The following GPR4 variants were observed in gnomAD, a reference collection of about 807,000 sequenced individuals.
GPR4 encodes G-prodeshotein coupled receptor 4.
A neutral mutation model predicts 17.8 loss-of-function variants in GPR4; 11 were observed. The observed-to-expected ratio is 0.62, with a 90% CI of 0.39 to 1.02. The LOEUF is 1.02. GPR4 is among the 50% of genes least tolerant of loss of function. The pLI, the probability that GPR4 is intolerant of heterozygous loss-of-function variation, is 0.00. For synonymous variants in GPR4, 219 were observed against 222.8 expected, an observed-to-expected ratio of 0.98 and a Z score of 0.15; for missense variants, 364 against 495.4, an observed-to-expected ratio of 0.73 and a Z score of 2.52.
intron 1 of GPR4, among the ~76,000 whole-genome samples, chr19:45,594,434 A>AG (rs1970036784): frequency 6.6e-6 from 1 of 151,034 alleles, no homozygotes; most frequent in East Asian, 2.0e-4. Context: ...AAAAAAAAAA[A>AG]AAAAAAAAGA....
intron 1 of GPR4, among the ~76,000 whole-genome samples, chr19:45,599,426 A>ACCCCCCCCCC (rs374400386): frequency 3.8e-5 from 3 of 79,552 alleles, no homozygotes; most frequent in Non-Finnish European, 5.3e-5. Flanking sequence ...TGCTCCCACC[A>ACCCCCCCCCC]CCCCCCCCTC....
intron 1 of GPR4, among the ~76,000 whole-genome samples, chr19:45,596,455 T>C (rs1970059759): frequency 6.6e-6 from 1 of 152,220 alleles, no homozygotes; most frequent in Non-Finnish European, 1.5e-5. Flanking sequence ...TCCACCCACC[T>C]TGGCCTCCCA....
At chr19:45,597,051 C>T (rs1970065079) in intron 1 of GPR4, among the ~76,000 whole-genome samples, 1 of 151,970 alleles carries the variant, frequency 6.6e-6, no homozygotes, top group Non-Finnish European at 1.5e-5. Flanking sequence ...GCACACTTAC[C>T]ATACTCTCAG....
intron 1 of GPR4, among the ~76,000 whole-genome samples, chr19:45,594,080 A>ATATATATATATTT (rs1970031632): frequency 1.6e-5 from 2 of 126,328 alleles, no homozygotes; most frequent in Admixed American, 8.2e-5. Flanking sequence ...ATATATATAT[A>ATATATATATATTT]TATATATATA....
In GPR4 at chr19:45,590,663, T is replaced by C. The variant is rs1969979712; in HGVS notation, c.*115A>G. ...CAACCTCACTCTTCCTAAGTTCTTG[T>C]ATTCTTATGAATATTAACACAGCCC... On this transcript the variant is annotated 3_prime_UTR_variant, in exon 2 of 2. Coordinates refer to ENST00000323040, the MANE Select transcript of GPR4 (RefSeq NM_005282.3). 1.5e-6 allele frequency: 2 copies of C among 1,306,770 alleles called. No homozygotes were observed. The highest frequency in any genetic ancestry group is 2.1e-6 in the Non-Finnish European group (2 of 956,988). 80.9% of individuals were successfully genotyped at this position (1,306,770 alleles called of 1,614,324 possible). A position where few individuals can be genotyped will look rare whatever the true frequency, so the allele number is the denominator to read the frequency against.
At chr19:45,600,570 A>G (rs956925669) in intron 1 of GPR4, among the ~76,000 whole-genome samples, 3 of 152,010 alleles carry the variant, frequency 2.0e-5, no homozygotes, top group Non-Finnish European at 2.9e-5. Flanking sequence ...TCTTTCCCCA[A>G]ATTAATCCGA....
intron 1 of GPR4, among the ~76,000 whole-genome samples, chr19:45,599,340 C>A (rs938970784): frequency 1.3e-5 from 2 of 152,086 alleles, no homozygotes; most frequent in Non-Finnish European, 2.9e-5. Context: ...CCCAGCACCC[C>A]TGGGCTCACT....
rs751145496 is a variant in GPR4 at position 45,590,855 on chromosome 19, T to G, written c.1012A>C (p.Met338Leu). The change falls in exon 2 of 2, where the codon ATG becomes CTG. Residue 338 changes from methionine (M) to leucine (L), a missense_variant. By Grantham distance (15) the Met-to-Leu change is conservative. Transcript: ENST00000323040. The part of the protein sequence containing the change: ...TSKRNSTAKA[M>L]TGSWAATPPS... ...GGAGTGGCCGCCCAGCTGCCAGTCA[T>G]GGCTTTGGCTGTGCTGTTCCTCTTG... 1 of 1,613,360 alleles carries G rather than the reference T, an allele frequency of 6.2e-7. No individual in the cohort carries two copies.
intron 1 of GPR4, among the ~76,000 whole-genome samples, chr19:45,596,899 C>A (rs1028146122): frequency 6.6e-6 from 1 of 152,034 alleles, no homozygotes; most frequent in Admixed American, 6.6e-5. Flanking sequence ...AATGGACTTG[C>A]GGTAAAATCC....
At chr19:45,600,959 A>G (rs1970105097) in intron 1 of GPR4, among the ~76,000 whole-genome samples, 1 of 152,210 alleles carries the variant, frequency 6.6e-6, no homozygotes, top group African/African-American at 2.4e-5. Context: ...CCAGGGTTCC[A>G]GGAGCCCCTA....
Position 45,591,246 on chromosome 19 carries a change from G to T in GPR4, c.621C>A (p.Ala207=), listed in dbSNP as rs147982637. 2.5e-6 allele frequency: 4 copies of T among 1,613,260 alleles called. No individual in the cohort carries two copies. In the South Asian group the frequency reaches 4.4e-5, roughly 18 times the overall value. The change falls in exon 2 of 2, where the codon GCC becomes GCA. Residue 207 remains alanine (A), a synonymous_variant. Transcript: ENST00000323040. This position sits in a 1 kb window ranked among gnomAD's most constrained non-coding sequence, Gnocchi z 7.6. ...GCTCGGTGGACACGCTGCCCCGCAC[G>T]GCCCGCAGGATGCCCCGGTACGACA... ...MLLSYRGILR[A]VRGSVSTERQ... is the part of the protein sequence containing the mutation.
In GPR4 at chr19:45,590,168, C is replaced by A. The variant is rs1026431516; in HGVS notation, c.*610G>T. 1 of 151,810 alleles carries A rather than the reference C, an allele frequency of 6.6e-6. No homozygotes were observed. The highest frequency in any genetic ancestry group is 2.4e-5 in the African/African-American group (1 of 41,244). 9.4% of individuals were successfully genotyped at this position (151,810 alleles called of 1,614,324 possible). A position where few individuals can be genotyped will look rare whatever the true frequency, so the allele number is the denominator to read the frequency against. ...CTTCCACTTTCCCCCGAGTCACAGA[C>A]TTTTATCCACTTGTTGGAAAAAAAA... is the stretch of plus-strand genomic sequence containing the variant. On this transcript the variant is annotated 3_prime_UTR_variant, in exon 2 of 2. Transcript: ENST00000323040.
At chr19:45,595,735 CTTT>C (rs34593260) in intron 1 of GPR4, among the ~76,000 whole-genome samples, 67 of 146,554 alleles carry the variant, frequency 4.6e-4, no homozygotes, top group Non-Finnish European at 8.7e-4. Context: ...TGAAACCTGG[CTTT>C]TTTTTTTTTT....
At chr19:45,593,052 G>A (rs1397350212) in intron 1 of GPR4, among the ~76,000 whole-genome samples, 1 of 151,868 alleles carries the variant, frequency 6.6e-6, no homozygotes, top group African/African-American at 2.4e-5. Context: ...AAAAATATTA[G>A]CCAGGTGTGG....
At chr19:45,597,887 C>T (rs1970073972) in intron 1 of GPR4, among the ~76,000 whole-genome samples, 1 of 152,076 alleles carries the variant, frequency 6.6e-6, no homozygotes, top group South Asian at 2.1e-4. Flanking sequence ...GTCCTGCCCC[C>T]TGTGGGGTCC....
At chr19:45,594,061 AAAATATATAT>A (rs1568417147) in intron 1 of GPR4, among the ~76,000 whole-genome samples, 1 of 40,128 alleles carries the variant, frequency 2.5e-5, no homozygotes, top group Non-Finnish European at 3.9e-5. Flanking sequence ...AAAAAAAAAA[AAAATATATAT>A]ATATATATAT....
intron 1 of GPR4, among the ~76,000 whole-genome samples, chr19:45,594,359 T>C (rs1600021523): frequency 6.9e-6 from 1 of 145,790 alleles, no homozygotes; most frequent in Non-Finnish European, 1.5e-5. Context: ...GAGGCGAAGG[T>C]TGCAGTGAGC....
At position 45,592,170 on chromosome 19, in the gene GPR4, G is replaced by T. The variant is rs149113992; in HGVS notation, c.-304C>A. ...ATGGAGTCAGTGTGTCAACGAGGGA[G>T]TATGGGGGTGACACAAAAATTGGTC... On this transcript the variant is annotated 5_prime_UTR_variant, in exon 2 of 2. An upstream open reading frame in the 5' UTR gains an earlier in-frame stop. Transcript: ENST00000323040. The T allele has an allele frequency of 6.5e-4, 208 of 319,342 alleles. No homozygotes were observed. In the East Asian group the frequency reaches 9.8e-3, roughly 15 times the overall value. 19.8% of individuals were successfully genotyped at this position (319,342 alleles called of 1,614,324 possible). A position where few individuals can be genotyped will look rare whatever the true frequency, so the allele number is the denominator to read the frequency against.
chr19:45,590,662 G>T lies in GPR4; in HGVS notation c.*116C>A. On this transcript the variant is annotated 3_prime_UTR_variant, in exon 2 of 2. Coordinates refer to ENST00000323040, the MANE Select transcript of GPR4 (RefSeq NM_005282.3). ...CCAACCTCACTCTTCCTAAGTTCTT[G>T]TATTCTTATGAATATTAACACAGCC... is the stretch of plus-strand genomic sequence containing the variant. 1 of 1,297,998 alleles carries T rather than the reference G, an allele frequency of 7.7e-7. No individual in the cohort carries two copies. The highest frequency in any genetic ancestry group is 1.1e-6 in the Non-Finnish European group (1 of 949,694). 80.4% of individuals were successfully genotyped at this position (1,297,998 alleles called of 1,614,324 possible).
Sources: gnomAD v4.1 joint callset for allele counts (sites outside exome capture counted in the v4.1 genomes callset) on GRCh38, gnomAD v4.1.1 for gene constraint, Gnocchi (gnomAD v3.1) non-coding constraint, MANE v1.5 for transcripts, NCBI Gene and HGNC (gene_info 2026-07-23, HGNC 2026-07-21) for gene names.